The following KCNQ5 variants were observed in gnomAD, a reference collection of about 807,000 sequenced individuals.
KCNQ5 encodes the protein potassium voltage-gated channel subfamily KQT member 5.
Under a neutral mutation model 98.2 loss-of-function variants are expected in KCNQ5, and 30 were observed. That is an observed-to-expected ratio of 0.31 (90% CI 0.23 to 0.41). The LOEUF is 0.41. KCNQ5 is among the 10% of genes least tolerant of loss of function. KCNQ5 has a pLI of 1.00. For missense variants in KCNQ5, 835 were observed against 1,182.5 expected (o/e 0.71, Z 4.31); for synonymous variants, 458 against 449.4 (o/e 1.02, Z -0.24).
intron 1 of KCNQ5, among the ~76,000 whole-genome samples, chr6:72,884,988 T>C (rs935615636): frequency 6.6e-6 from 1 of 152,176 alleles, no homozygotes; most frequent in Non-Finnish European, 1.5e-5. Context: ...CCACTCTTCC[T>C]ACACACAAGT....
intron 2 of KCNQ5, among the ~76,000 whole-genome samples, chr6:73,021,711 A>AGG (rs1192985907): frequency 6.6e-6 from 1 of 152,206 alleles, no homozygotes; most frequent in Non-Finnish European, 1.5e-5. Flanking sequence ...ATTAGTATAT[A>AGG]GGTTCAATGC....
At chr6:73,007,228 C>A (rs1207234105) in intron 2 of KCNQ5, among the ~76,000 whole-genome samples, 1 of 152,162 alleles carries the variant, frequency 6.6e-6, no homozygotes, top group African/African-American at 2.4e-5. Flanking sequence ...GTTGTGGGAA[C>A]TGAGATTTCA....
chr6:72,893,574 G>A (rs1015734397), intron 1 of KCNQ5, among the ~76,000 whole-genome samples: 2 of 152,062 alleles, frequency 1.3e-5, no homozygotes, highest in African/African-American at 4.8e-5. Context: ...ATATTGTACT[G>A]TTTTCTTTCC....
intron 9 of KCNQ5, among the ~76,000 whole-genome samples, chr6:73,131,329 GAT>G (rs1338948263): frequency 2.0e-5 from 3 of 152,120 alleles, no homozygotes; most frequent in African/African-American, 7.2e-5. Flanking sequence ...ATAGAAAAGA[GAT>G]ATATCTTGAA....
At chr6:72,698,582 A>G (rs997494520) in intron 1 of KCNQ5, among the ~76,000 whole-genome samples, 3 of 151,718 alleles carry the variant, frequency 2.0e-5, no homozygotes, top group African/African-American at 2.4e-5. Flanking sequence ...AGGTTTTTAA[A>G]TAGGGAAAAG....
rs558744074 is a variant in KCNQ5 at position 72,927,292 on chromosome 6, A to G, written c.399-76616A>G. Among the ~76,000 whole-genome samples the G allele has an allele frequency of 3.9e-4, 60 of 152,280 alleles. 2 individuals carry two copies. The South Asian group carries it at 0.012, about 32-fold the overall frequency. Reference sequence around the variant, plus strand: ...GGACTAAGTCCCACTGAGATTCTCAAATATTTCAACTATGACAAGCTTCAA... The same window carrying G: ...GGACTAAGTCCCACTGAGATTCTCAGATATTTCAACTATGACAAGCTTCAA... On this transcript the variant is annotated intron_variant, in intron 1 of 13. Coordinates refer to ENST00000370398, the MANE Select transcript of KCNQ5 (RefSeq NM_019842.4).
chr6:72,944,579 G>C (rs1766452813), intron 1 of KCNQ5, among the ~76,000 whole-genome samples: 1 of 152,188 alleles, frequency 6.6e-6, no homozygotes, highest in African/African-American at 2.4e-5. Context: ...CTGGGAAATA[G>C]TGCTATAACC....
Position 73,096,336 on chromosome 6 carries a change from C to CA in KCNQ5, c.919-8904dup, listed in dbSNP as rs151045845. ...AAAAGCAAGGGCAAAGGTCCTTAGGCAAAAAAAAAAAAAAAAAGAGCTTGG... is the reference window on the plus strand; with the variant it reads ...AAAAGCAAGGGCAAAGGTCCTTAGGCAAAAAAAAAAAAAAAAAAGAGCTTGG... On this transcript the variant is annotated intron_variant, in intron 5 of 13. Transcript: ENST00000370398. Among the ~76,000 whole-genome samples the CA allele has an allele frequency of 2.2e-3, 252 of 115,300 alleles. 14 individuals are homozygous for CA. Among genetic ancestry groups the CA allele is most frequent in the Middle Eastern group, 4.5e-3 (1 of 224 alleles). The allele number at this position is 115,300 out of a possible 152,430, so 75.6% of individuals were successfully genotyped here. A position where few individuals can be genotyped will look rare whatever the true frequency, so the allele number is the denominator to read the frequency against.
At chr6:72,870,925 A>T (rs1378679468) in intron 1 of KCNQ5, among the ~76,000 whole-genome samples, 1 of 152,162 alleles carries the variant, frequency 6.6e-6, no homozygotes, top group Non-Finnish European at 1.5e-5. Flanking sequence ...CTGCTGCTTC[A>T]GTTTTCTTGT....
chr6:72,839,721 T>C lies in KCNQ5; in HGVS notation c.399-164187T>C, dbSNP rs1776699807. Among the ~76,000 whole-genome samples, 4 of 152,316 alleles carry C rather than the reference T, an allele frequency of 2.6e-5. No homozygotes were observed. The South Asian group carries it at 6.2e-4, about 24-fold the overall frequency. On this transcript the variant is annotated intron_variant, in intron 1 of 13. Coordinates refer to ENST00000370398, the MANE Select transcript of KCNQ5 (RefSeq NM_019842.4). The stretch of plus-strand genomic sequence containing the variant: ...ATTTTTATGGGGTACAACATGATGT[T>C]TTGATATATGTATATAATATGGAAT...
rs1582524282 is a variant in KCNQ5 at position 73,197,488 on chromosome 6, T to G, written c.*2074T>G. The stretch of plus-strand genomic sequence containing the variant: ...AATCCTTTTAAGCAATTGTTTTCAT[T>G]TTCAAAATACAGAATGTTAGTAAAT... On this transcript the variant is annotated 3_prime_UTR_variant, in exon 14 of 14. Transcript: ENST00000370398. 6.6e-6 allele frequency: 1 copy of G among 152,112 alleles called. No individual in the cohort carries two copies. The highest frequency in any genetic ancestry group is 1.9e-4 in the East Asian group (1 of 5,196). The allele number at this position is 152,112 out of a possible 1,614,324, so 9.4% of individuals were successfully genotyped here.
chr6:72,833,616 T>C (rs746994343), intron 1 of KCNQ5, among the ~76,000 whole-genome samples: 4 of 152,170 alleles, frequency 2.6e-5, no homozygotes, highest in African/African-American at 4.8e-5. Flanking sequence ...AGTTTTAACA[T>C]TAATTAACTT....
chr6:72,882,591 G>T (rs756127295), intron 1 of KCNQ5, among the ~76,000 whole-genome samples: 1 of 152,200 alleles, frequency 6.6e-6, no homozygotes, highest in African/African-American at 2.4e-5. Flanking sequence ...AAAGTTAAGA[G>T]AATCAGATTT....
intron 1 of KCNQ5, among the ~76,000 whole-genome samples, chr6:72,691,750 T>C (rs1171065282): frequency 6.6e-6 from 1 of 152,228 alleles, no homozygotes; most frequent in Non-Finnish European, 1.5e-5. Context: ...AGCTGGAAAA[T>C]TAACATTGTT....
intron 1 of KCNQ5, among the ~76,000 whole-genome samples, chr6:72,975,239 A>G (rs1768104973): frequency 6.8e-6 from 1 of 146,792 alleles, no homozygotes; most frequent in South Asian, 2.1e-4. Flanking sequence ...ATCAACTTCA[A>G]TTTTTTTTTT....
At chr6:73,129,062 T>C (rs1257025885) in intron 9 of KCNQ5, among the ~76,000 whole-genome samples, 1 of 152,238 alleles carries the variant, frequency 6.6e-6, no homozygotes, top group Non-Finnish European at 1.5e-5. Context: ...ATGATCTGCA[T>C]GTGTTGTTAA....
At chr6:72,969,105 A>G (rs1279442240) in intron 1 of KCNQ5, among the ~76,000 whole-genome samples, 1 of 152,198 alleles carries the variant, frequency 6.6e-6, no homozygotes, top group Non-Finnish European at 1.5e-5. Flanking sequence ...ATTTATTTTA[A>G]AAGTGGCAAA....
At chr6:73,158,176 G>A in intron 10 of KCNQ5, 1 of 335,794 alleles carries the variant, frequency 3.0e-6, no homozygotes, top group Non-Finnish European at 5.8e-6. Context: ...GGAAGGGAAC[G>A]TCCGGGCGAG....
chr6:72,645,230 A>C (rs1765532142), intron 1 of KCNQ5, among the ~76,000 whole-genome samples: 1 of 151,552 alleles, frequency 6.6e-6, no homozygotes. Context: ...AAAACAAAAA[A>C]AACATAGTAG....
Sources: allele counts gnomAD v4.1 joint callset (sites outside exome capture counted in the v4.1 genomes callset), GRCh38; gene constraint gnomAD v4.1.1; transcripts MANE v1.5; gene names NCBI Gene and HGNC (gene_info 2026-07-23, HGNC 2026-07-21).